The following FARS2 variants were observed in gnomAD, a reference collection of about 807,000 sequenced individuals.
FARS2 encodes phenylalanyl-tRNA synthetase 2, mitochondrial.
FARS2 carries 40 observed loss-of-function variants against 46.4 expected under a neutral mutation model. The ratio of observed to expected loss-of-function variants is 0.86; its 90% CI spans 0.67 to 1.12. The LOEUF (loss-of-function observed/expected upper bound fraction) is 1.12. Ranked by LOEUF, FARS2 falls within the 50% of genes most tolerant of loss-of-function variation. The pLI is 0.00. For synonymous variants in FARS2, 234 were observed against 214.9 expected (o/e 1.09, Z -0.78); for missense variants, 513 against 567.9 (o/e 0.90, Z 0.98).
chr6:5,352,131 T>C (rs1466837562), intron 1 of FARS2, among the ~76,000 whole-genome samples: 2 of 150,302 alleles, frequency 1.3e-5, no homozygotes, highest in Admixed American at 6.6e-5. Flanking sequence ...GTTTTTTTTT[T>C]GTGATTTTTT....
intron 6 of FARS2, among the ~76,000 whole-genome samples, chr6:5,690,693 G>A (rs1469491069): frequency 2.6e-5 from 4 of 151,800 alleles, no homozygotes; most frequent in Non-Finnish European, 4.4e-5. Flanking sequence ...TGCTCTTCTC[G>A]AGGAGTATCT....
At position 5,372,231 on chromosome 6, in the gene FARS2, A is replaced by G. The variant is rs564435308; in HGVS notation, c.612+3049A>G. ...TTTAAGTGACCTTGGTCAGAAACCAATGGGTTACGAAGTTAAAATGTGTAA... is the reference window on the plus strand; with the variant it reads ...TTTAAGTGACCTTGGTCAGAAACCAGTGGGTTACGAAGTTAAAATGTGTAA... On this transcript the variant is annotated intron_variant, in intron 2 of 6. Transcript: ENST00000274680. Among the ~76,000 whole-genome samples the G allele has an allele frequency of 3.9e-5, 6 of 152,268 alleles. No individual in the cohort carries two copies. The South Asian group carries it at 1.2e-3, about 31-fold the overall frequency.
intron 4 of FARS2, among the ~76,000 whole-genome samples, chr6:5,540,429 G>T (rs1005753658): frequency 2.0e-5 from 3 of 151,970 alleles, no homozygotes; most frequent in Non-Finnish European, 2.9e-5. Flanking sequence ...TTCTTCTTCC[G>T]TACGCCTTTA....
intron 5 of FARS2, chr6:5,610,031 GC>G: frequency 1.0e-6 from 1 of 957,372 alleles, no homozygotes. Context: ...CAAACCCAAA[GC>G]CCCTGGAGCA....
chr6:5,573,879 T>C (rs1772803234), intron 5 of FARS2, among the ~76,000 whole-genome samples: 1 of 152,212 alleles, frequency 6.6e-6, no homozygotes, highest in Non-Finnish European at 1.5e-5. Context: ...CAGTATTCAG[T>C]AACATTTAGT....
intron 1 of FARS2, among the ~76,000 whole-genome samples, chr6:5,274,675 G>A (rs1766204328): frequency 6.6e-6 from 1 of 151,970 alleles, no homozygotes; most frequent in Admixed American, 6.6e-5. Context: ...TCTGTTTTCA[G>A]CCACGATTAT....
At chr6:5,705,629 G>A (rs894478737) in intron 6 of FARS2, among the ~76,000 whole-genome samples, 3 of 152,162 alleles carry the variant, frequency 2.0e-5, no homozygotes, top group Non-Finnish European at 2.9e-5. Flanking sequence ...CAGGGGCCTC[G>A]CCTGTGGCTC....
chr6:5,332,263 C>A (rs1346929500), intron 1 of FARS2, among the ~76,000 whole-genome samples: 1 of 152,194 alleles, frequency 6.6e-6, no homozygotes, highest in East Asian at 1.9e-4. Flanking sequence ...AAGAATGAAG[C>A]CACGCACTTT....
chr6:5,567,148 C>G (rs893873035), intron 5 of FARS2, among the ~76,000 whole-genome samples: 18 of 152,336 alleles, frequency 1.2e-4, no homozygotes, highest in Middle Eastern at 3.4e-3. Context: ...ACAAGTGTTC[C>G]AGTTTCTCCA....
intron 4 of FARS2, among the ~76,000 whole-genome samples, chr6:5,480,248 A>C (rs937285645): frequency 6.6e-6 from 1 of 152,236 alleles, no homozygotes; most frequent in South Asian, 2.1e-4. Context: ...AAAATAGTAA[A>C]GTTAAATATG....
intron 4 of FARS2, among the ~76,000 whole-genome samples, chr6:5,454,630 C>T (rs1373033321): frequency 1.3e-5 from 2 of 152,174 alleles, no homozygotes; most frequent in Non-Finnish European, 2.9e-5. Context: ...AGGCGTGAGC[C>T]ACTGAGCCTG....
At chr6:5,771,061 T>A (rs1478511449) in intron 6 of FARS2, among the ~76,000 whole-genome samples, 1 of 152,212 alleles carries the variant, frequency 6.6e-6, no homozygotes, top group Non-Finnish European at 1.5e-5. Flanking sequence ...GGGACTTTGA[T>A]ACATCCACCC....
intron 5 of FARS2, among the ~76,000 whole-genome samples, chr6:5,575,366 A>G (rs531027611): frequency 6.6e-6 from 1 of 152,324 alleles, no homozygotes; most frequent in African/African-American, 2.4e-5. Context: ...GTTCACAAGT[A>G]GATGAATTAG....
intron 1 of FARS2, among the ~76,000 whole-genome samples, chr6:5,325,082 T>G (rs1041795173): frequency 6.6e-6 from 1 of 152,210 alleles, no homozygotes; most frequent in African/African-American, 2.4e-5. Flanking sequence ...TTTGGTTTTG[T>G]TCGGTCTTTT....
At chr6:5,543,175 C>G (rs1172653526) in intron 4 of FARS2, among the ~76,000 whole-genome samples, 5 of 152,152 alleles carry the variant, frequency 3.3e-5, no homozygotes, top group Non-Finnish European at 5.9e-5. Flanking sequence ...CTGTCTGTAG[C>G]TTATAGCCTG....
At chr6:5,405,392 C>G (rs2432775) in intron 3 of FARS2, among the ~76,000 whole-genome samples, 70,874 of 150,882 alleles carry the variant, frequency 0.47, 18,581 homozygotes, top group African/African-American at 0.71. Context: ...TTAGGTCAGT[C>G]TCATCAATGG....
At chr6:5,291,511 A>T (rs1767503822) in intron 1 of FARS2, 1 of 152,226 alleles carries the variant, frequency 6.6e-6, no homozygotes, top group Admixed American at 6.5e-5. Context: ...AATTTTTAAG[A>T]AAATGAAGTC....
chr6:5,614,768 C>T (rs764000117), intron 6 of FARS2, among the ~76,000 whole-genome samples: 1 of 152,168 alleles, frequency 6.6e-6, no homozygotes, highest in Non-Finnish European at 1.5e-5. Context: ...AATTGTTTTG[C>T]CTCCCTTTCC....
At chr6:5,599,080 G>A (rs1377559401) in intron 5 of FARS2, among the ~76,000 whole-genome samples, 2 of 152,158 alleles carry the variant, frequency 1.3e-5, no homozygotes, top group African/African-American at 2.4e-5. Context: ...CTGAGATGAT[G>A]TGAAATTAAC....
Sources: gnomAD v4.1 joint callset for allele counts (sites outside exome capture counted in the v4.1 genomes callset) on GRCh38, gnomAD v4.1.1 for gene constraint, MANE v1.5 for transcripts, NCBI Gene and HGNC (gene_info 2026-07-23, HGNC 2026-07-21) for gene names.